Variants in F13A1 observed in about 807,000 individuals in gnomAD.
F13A1 encodes coagulation factor XIII A chain, also known as FSF, A subunit.
A neutral mutation model predicts 80.1 loss-of-function variants in F13A1; 47 were observed. That is an observed-to-expected ratio of 0.59 (90% CI 0.46 to 0.75). The LOEUF (loss-of-function observed/expected upper bound fraction) is 0.75, where lower values mean the gene tolerates loss of function less well. Among genes scored for constraint, F13A1 ranks in the 30% least tolerant of loss-of-function variants. The pLI, the probability that F13A1 is intolerant of heterozygous loss-of-function variation, is 0.00. For missense variants in F13A1, 817 were observed against 930.4 expected (o/e 0.88, Z 1.59); for synonymous variants, 349 against 344.9 (o/e 1.01, Z -0.13).
At chr6:6,302,262 G>C (rs1245890167) in intron 3 of F13A1, among the ~76,000 whole-genome samples, 1 of 151,890 alleles carries the variant, frequency 6.6e-6, no homozygotes, top group African/African-American at 2.4e-5. Context: ...GTGGTCCAGA[G>C]CTTCAAACGT....
At chr6:6,256,048 T>A (rs1475694245) in intron 4 of F13A1, among the ~76,000 whole-genome samples, 1 of 152,200 alleles carries the variant, frequency 6.6e-6, no homozygotes, top group Non-Finnish European at 1.5e-5. Context: ...GGCTTTTTGA[T>A]AGTGTTTTCG....
At chr6:6,166,794 T>C (rs1450747077) in intron 13 of F13A1, among the ~76,000 whole-genome samples, 1 of 152,168 alleles carries the variant, frequency 6.6e-6, no homozygotes, top group Admixed American at 6.5e-5. Flanking sequence ...TGGTGATCAC[T>C]GGAGAGGCAT....
rs138251868 is a variant in F13A1 at position 6,268,751 on chromosome 6, T to C, written c.320-1942A>G. Among the ~76,000 whole-genome samples the C allele has an allele frequency of 6.8e-3, 1,026 of 150,718 alleles. 10 individuals are homozygous for C. Among genetic ancestry groups the C allele is most frequent in the African/African-American group, 0.024 (964 of 40,932 alleles). On this transcript the variant is annotated intron_variant, in intron 3 of 14. Transcript: ENST00000264870. ...CCACCCAGGCTGGAGTGCAGTGGCA[T>C]AGTCTCAGCTCACTGCAACCTCTGC...
At chr6:6,235,810 C>G (rs146468506) in intron 6 of F13A1, among the ~76,000 whole-genome samples, 1 of 152,026 alleles carries the variant, frequency 6.6e-6, no homozygotes, top group African/African-American at 2.4e-5. Context: ...TAAAAGCTTA[C>G]GTCTATACAA....
At chr6:6,160,578 C>T (rs1257091568) in intron 13 of F13A1, among the ~76,000 whole-genome samples, 1 of 152,060 alleles carries the variant, frequency 6.6e-6, no homozygotes, top group Admixed American at 6.5e-5. Flanking sequence ...CTCAAGTGAT[C>T]CAGCCACCTT....
At chr6:6,190,054 A>G (rs1425398511) in intron 10 of F13A1, among the ~76,000 whole-genome samples, 1 of 151,932 alleles carries the variant, frequency 6.6e-6, no homozygotes, top group Non-Finnish European at 1.5e-5. Context: ...GTAGGTCTTG[A>G]GCCTTGCTTT....
intron 2 of F13A1, among the ~76,000 whole-genome samples, chr6:6,314,010 T>C (rs1421753224): frequency 1.4e-5 from 1 of 69,154 alleles, no homozygotes; most frequent in African/African-American, 7.1e-5. Flanking sequence ...AAACGGAGTC[T>C]TGGTCTTATC....
At chr6:6,305,603 C>T (rs1758502009) in intron 2 of F13A1, 64 bp from the exon 3 acceptor site, 8 of 1,543,096 alleles carry the variant, frequency 5.2e-6, no homozygotes, top group Admixed American at 1.7e-5. Flanking sequence ...AACATAAACT[C>T]AAAAACAAGA....
intron 8 of F13A1, among the ~76,000 whole-genome samples, chr6:6,201,500 T>C (rs1761393251): frequency 6.6e-6 from 1 of 152,152 alleles, no homozygotes; most frequent in Non-Finnish European, 1.5e-5. Flanking sequence ...GAGAGGGTGC[T>C]ACCTCCACAG....
chr6:6,236,757 C>T (rs1437757419), intron 6 of F13A1, among the ~76,000 whole-genome samples: 2 of 152,030 alleles, frequency 1.3e-5, no homozygotes, highest in African/African-American at 2.4e-5. Context: ...TAGTCTTATA[C>T]CTAATTTTGT....
intron 10 of F13A1, among the ~76,000 whole-genome samples, chr6:6,183,178 G>C (rs1162521700): frequency 1.3e-5 from 2 of 152,144 alleles, no homozygotes; most frequent in Non-Finnish European, 2.9e-5. Flanking sequence ...ACTGCTAATA[G>C]TCATTGATGT....
At chr6:6,244,178 G>A (rs1259838055) in intron 6 of F13A1, among the ~76,000 whole-genome samples, 3 of 152,200 alleles carry the variant, frequency 2.0e-5, no homozygotes, top group Non-Finnish European at 4.4e-5. Context: ...AATGCCATGT[G>A]AGGGAAGTAA....
intron 13 of F13A1, among the ~76,000 whole-genome samples, chr6:6,164,913 T>C (rs1017788818): frequency 1.3e-5 from 2 of 151,690 alleles, no homozygotes; most frequent in Admixed American, 1.3e-4. Context: ...AGGTCCCCAG[T>C]CCACAGGCCG....
At chr6:6,164,676 C>T (rs59881028) in intron 13 of F13A1, among the ~76,000 whole-genome samples, 19,051 of 148,670 alleles carry the variant, frequency 0.13, 1,336 homozygotes, top group South Asian at 0.25. Flanking sequence ...CTCCTTTTTC[C>T]CTCTTGTCCC....
intron 3 of F13A1, among the ~76,000 whole-genome samples, chr6:6,282,305 G>A (rs995557526): frequency 6.6e-6 from 1 of 152,142 alleles, no homozygotes; most frequent in Non-Finnish European, 1.5e-5. Flanking sequence ...AGACTATGAG[G>A]AAGTAAGGAT....
intron 6 of F13A1, among the ~76,000 whole-genome samples, chr6:6,225,518 T>C (rs188903947): frequency 2.7e-4 from 41 of 152,128 alleles, no homozygotes; most frequent in Admixed American, 1.2e-3. Context: ...CTCTCTCTCT[T>C]TCTTTCTAAG....
chr6:6,208,679 G>A lies in F13A1; in HGVS notation c.1113-11353C>T, dbSNP rs537147536. Among the ~76,000 whole-genome samples the A allele has an allele frequency of 7.2e-5, 11 of 152,054 alleles. No individual in the cohort carries two copies. In the East Asian group the frequency reaches 1.2e-3, roughly 16 times the overall value. The stretch of plus-strand genomic sequence containing the variant: ...TTTTTCTTTTTCAAATCTCAGACCT[G>A]AGTGAAACAAAGAATCTTTAAGACA... On this transcript the variant is annotated intron_variant, in intron 8 of 14. Transcript: ENST00000264870.
chr6:6,243,978 G>T lies in F13A1; in HGVS notation c.798+4334C>A, dbSNP rs1342306343. On this transcript the variant is annotated intron_variant, in intron 6 of 14. Coordinates refer to ENST00000264870, the MANE Select transcript of F13A1 (RefSeq NM_000129.4). The surrounding 1 kb of genome is among the most constrained non-coding windows in gnomAD (Gnocchi z 4.2). The stretch of plus-strand genomic sequence containing the variant: ...CCAGATCCTATCAGTCGGGAGGCAG[G>T]AACAGGCATAGACAGGTAACCACGC... Among the ~76,000 whole-genome samples, 2 of 152,228 alleles carry T rather than the reference G, an allele frequency of 1.3e-5. No individual in the cohort carries two copies. Among genetic ancestry groups the T allele is most frequent in the Non-Finnish European group, 2.9e-5 (2 of 68,038 alleles).
chr6:6,317,163 A>G (rs955207764), intron 2 of F13A1, among the ~76,000 whole-genome samples: 2 of 152,162 alleles, frequency 1.3e-5, no homozygotes, highest in East Asian at 1.9e-4. Context: ...TAATAATTTG[A>G]TATCTGTAGG....
Sources: gnomAD v4.1 joint callset for allele counts (sites outside exome capture counted in the v4.1 genomes callset) on GRCh38, gnomAD v4.1.1 for gene constraint, Gnocchi (gnomAD v3.1) non-coding constraint, MANE v1.5 for transcripts, NCBI Gene and HGNC (gene_info 2026-07-23, HGNC 2026-07-21) for gene names.